The following CTNNA2 variants were observed in gnomAD, a reference collection of about 807,000 sequenced individuals.
The protein encoded by CTNNA2 is catenin alpha 2.
A neutral mutation model predicts 101.0 loss-of-function variants in CTNNA2; 42 were observed. The observed-to-expected ratio is 0.42, with a 90% confidence interval of 0.32 to 0.54. CTNNA2 has a LOEUF of 0.54. Among genes scored for constraint, CTNNA2 ranks in the 20% least tolerant of loss-of-function variants. The pLI is 0.14. For synonymous variants in CTNNA2, 450 were observed against 456.4 expected (o/e 0.99, Z 0.18); for missense variants, 871 against 1,223.1 (o/e 0.71, Z 4.29).
chr2:80,024,967 G>T (rs1437728689), intron 7 of CTNNA2, among the ~76,000 whole-genome samples: 2 of 152,146 alleles, frequency 1.3e-5, no homozygotes, highest in African/African-American at 4.8e-5. Context: ...CAGAGGGAAG[G>T]GGAGCTGGAA....
chr2:80,210,662 C>G (rs928605343), intron 7 of CTNNA2, among the ~76,000 whole-genome samples: 1 of 152,024 alleles, frequency 6.6e-6, no homozygotes, highest in Admixed American at 6.6e-5. Flanking sequence ...TGAATAGTGC[C>G]GCAATAAACA....
chr2:79,482,231 C>A (rs1671116624), intron 4 of CTNNA2, among the ~76,000 whole-genome samples: 1 of 152,082 alleles, frequency 6.6e-6, no homozygotes, highest in African/African-American at 2.4e-5. Flanking sequence ...GTGATTTCAA[C>A]CTGTAGCTAA....
intron 13 of CTNNA2, chr2:80,576,086 T>G (rs1695014724): frequency 6.6e-6 from 1 of 152,180 alleles, no homozygotes. Flanking sequence ...GTAGAATTGT[T>G]TCTTTCCCAA....
chr2:80,270,721 G>T (rs1446415427), intron 7 of CTNNA2, among the ~76,000 whole-genome samples: 3 of 152,226 alleles, frequency 2.0e-5, no homozygotes, highest in Non-Finnish European at 2.9e-5. Flanking sequence ...GTCATAGGCA[G>T]TTCAACACCT....
chr2:80,436,332 C>T (rs923774915), intron 9 of CTNNA2, among the ~76,000 whole-genome samples: 1 of 151,954 alleles, frequency 6.6e-6, no homozygotes, highest in Non-Finnish European at 1.5e-5. Flanking sequence ...GAAATATAGA[C>T]TCTTGGGTCT....
At chr2:79,950,918 G>T (rs993912727) in intron 7 of CTNNA2, among the ~76,000 whole-genome samples, 10 of 107,284 alleles carry the variant, frequency 9.3e-5, no homozygotes, top group African/African-American at 2.8e-4. Context: ...TGTAGAGTCA[G>T]TCTAAAAGTT....
intron 7 of CTNNA2, among the ~76,000 whole-genome samples, chr2:80,327,346 A>G (rs1670904908): frequency 6.6e-6 from 1 of 152,132 alleles, no homozygotes; most frequent in African/African-American, 2.4e-5. Context: ...ACAGGATGGG[A>G]ATGGATTTGG....
At chr2:79,192,926 A>C (rs1673894325) in intron 1 of CTNNA2, among the ~76,000 whole-genome samples, 2 of 152,276 alleles carry the variant, frequency 1.3e-5, no homozygotes, top group East Asian at 3.9e-4. Flanking sequence ...CTCTAACAGT[A>C]CACTTGAATT....
At chr2:80,124,452 A>C (rs1034187159) in intron 7 of CTNNA2, among the ~76,000 whole-genome samples, 7 of 152,218 alleles carry the variant, frequency 4.6e-5, no homozygotes, top group Admixed American at 4.6e-4. Context: ...TCCCAAATGC[A>C]TGAATCAAGA....
intron 7 of CTNNA2, among the ~76,000 whole-genome samples, chr2:79,922,111 CCTTTTTCCGTTTTCTT>C (rs1183373293): frequency 6.6e-6 from 1 of 152,152 alleles, no homozygotes; most frequent in Non-Finnish European, 1.5e-5. Flanking sequence ...TCATACATTT[CCTTTTTCCGTTTTCTT>C]AATCACATTT....
At chr2:80,575,229 A>C (rs1694934881) in intron 13 of CTNNA2, 1 of 152,322 alleles carries the variant, frequency 6.6e-6, no homozygotes, top group Non-Finnish European at 1.5e-5. Context: ...TCCCAAAAGC[A>C]TGCTGTCCAG....
chr2:79,727,054 T>C (rs937249668), intron 2 of CTNNA2, among the ~76,000 whole-genome samples: 2 of 152,244 alleles, frequency 1.3e-5, no homozygotes, highest in African/African-American at 4.8e-5. Context: ...TTAGACTTCC[T>C]TGCTTAGCAA....
rs75112645 is a variant in CTNNA2 at position 79,428,251 on chromosome 2, T to G, written c.-135+54238T>G. ...TTTCCTCAATCAAGGAGCAGTTTCC[T>G]TCTTGGTGTGAATTCTGTAGTTCTT... On this transcript the variant is annotated intron_variant, in intron 4 of 21. Coordinates refer to the CTNNA2 transcript ENST00000466387. 0.01 allele frequency among the ~76,000 whole-genome samples: 1,568 copies of G among 152,226 alleles called. 78 individuals are homozygous for G. The East Asian group carries it at 0.13, about 12-fold the overall frequency.
chr2:79,202,420 G>A (rs1384877934), intron 2 of CTNNA2, among the ~76,000 whole-genome samples: 2 of 151,762 alleles, frequency 1.3e-5, no homozygotes, highest in Admixed American at 6.6e-5. Context: ...ACAGCTCACT[G>A]CAGCCTTGGA....
chr2:80,199,182 GAAAAAAAAAAAA>G (rs70940076), intron 7 of CTNNA2, among the ~76,000 whole-genome samples: 50 of 40,058 alleles, frequency 1.2e-3, no homozygotes, highest in African/African-American at 3.5e-3. Context: ...CTCCATCTCA[GAAAAAAAAAAAA>G]AAAAAAAAAA....
At chr2:80,048,235 T>A (rs960864867) in intron 7 of CTNNA2, among the ~76,000 whole-genome samples, 1 of 152,208 alleles carries the variant, frequency 6.6e-6, no homozygotes, top group Non-Finnish European at 1.5e-5. Flanking sequence ...AATCTACTTA[T>A]ACTAAAATAT....
chr2:79,828,139 CA>C (rs1678586721), intron 3 of CTNNA2, among the ~76,000 whole-genome samples: 1 of 152,176 alleles, frequency 6.6e-6, no homozygotes, highest in Non-Finnish European at 1.5e-5. Context: ...TAACCTGCAT[CA>C]GTTCTTTTTG....
chr2:79,874,276 G>T lies in CTNNA2; in HGVS notation c.786G>T (p.Ser262=), dbSNP rs765201902. The change falls in exon 6 of 19, where the codon TCG becomes TCT. Residue 262 remains serine (S), a synonymous_variant. Coordinates refer to ENST00000402739, the MANE Select transcript of CTNNA2 (RefSeq NM_001282597.3). ...AGISNAAQAT[S]PTDEAKGHTG... is the part of the protein sequence containing the mutation. Reference sequence around the variant, plus strand: ...TCTCCAATGCTGCTCAAGCTACCTCGCCCACTGACGAAGCCAAGGGCCACA... The same window carrying T: ...TCTCCAATGCTGCTCAAGCTACCTCTCCCACTGACGAAGCCAAGGGCCACA... The T allele has an allele frequency of 6.2e-7, 1 of 1,613,864 alleles. No individual in the cohort carries two copies. The highest frequency in any genetic ancestry group is 8.5e-7 in the Non-Finnish European group (1 of 1,180,014).
intron 2 of CTNNA2, among the ~76,000 whole-genome samples, chr2:79,279,686 T>C (rs987398706): frequency 1.3e-5 from 2 of 152,112 alleles, no homozygotes; most frequent in South Asian, 2.1e-4. Flanking sequence ...GATTTTGTGG[T>C]ATATAAGTAA....
Sources: allele counts gnomAD v4.1 joint callset (sites outside exome capture counted in the v4.1 genomes callset), GRCh38; gene constraint gnomAD v4.1.1; transcripts MANE v1.5; gene names NCBI Gene and HGNC (gene_info 2026-07-23, HGNC 2026-07-21).